The following ERBB4 variants were observed in gnomAD, a reference collection of about 807,000 sequenced individuals.
ERBB4 encodes the protein erb-b2 receptor tyrosine kinase 4, also known as receptor tyrosine-protein kinase erbB-4.
A neutral mutation model predicts 158.0 loss-of-function variants in ERBB4; 42 were observed. The ratio of observed to expected loss-of-function variants is 0.27; its 90% CI spans 0.21 to 0.34. ERBB4 has a LOEUF of 0.34. ERBB4 is among the 10% of genes least tolerant of loss of function. The pLI is 1.00. For missense variants in ERBB4, 1,333 were observed against 1,624.1 expected, an observed-to-expected ratio of 0.82 and a Z score of 3.08; for synonymous variants, 583 against 558.7, an observed-to-expected ratio of 1.04 and a Z score of -0.61.
intron 9 of ERBB4, among the ~76,000 whole-genome samples, chr2:211,711,027 TAA>T (rs34159396): frequency 2.1e-5 from 3 of 139,904 alleles, no homozygotes; most frequent in African/African-American, 2.6e-5. Context: ...AAAAGGCAAG[TAA>T]AAAAAAAAAA....
At chr2:212,354,818 T>C (rs2089404644) in intron 1 of ERBB4, among the ~76,000 whole-genome samples, 1 of 152,138 alleles carries the variant, frequency 6.6e-6, no homozygotes, top group Admixed American at 6.6e-5. Context: ...TTTTACCAAC[T>C]TAAGTTGGGT....
chr2:211,750,817 A>G, intron 4 of ERBB4, 113 bp from the exon 5 acceptor site: 1 of 913,688 alleles, frequency 1.1e-6, no homozygotes. Flanking sequence ...TTTTTATGTC[A>G]TACTAGAGCT....
intron 2 of ERBB4, among the ~76,000 whole-genome samples, chr2:212,058,477 G>A (rs1387840062): frequency 1.3e-5 from 2 of 151,982 alleles, no homozygotes; most frequent in African/African-American, 4.8e-5. Flanking sequence ...GCCTGATAGA[G>A]AAACAACAAA....
In ERBB4 at chr2:211,541,427, A is replaced by G. The variant is rs189123735; in HGVS notation, c.2487+20476T>C. On this transcript the variant is annotated intron_variant, in intron 20 of 27. Coordinates refer to ENST00000342788, the MANE Select transcript of ERBB4 (RefSeq NM_005235.3). The stretch of plus-strand genomic sequence containing the variant: ...TACTATTTGTTTCACTATGACCTAC[A>G]GTTAACTTTGCTTCATTTCACTGGT... 5.4e-3 allele frequency among the ~76,000 whole-genome samples: 821 copies of G among 152,098 alleles called. 8 individuals carry two copies. The highest frequency in any genetic ancestry group is 0.019 in the African/African-American group (776 of 41,544).
chr2:212,502,676 C>T (rs1357253842), intron 1 of ERBB4, among the ~76,000 whole-genome samples: 1 of 152,154 alleles, frequency 6.6e-6, no homozygotes, highest in East Asian at 1.9e-4. Flanking sequence ...GAACTAAATT[C>T]TAGCCAAGAG....
intron 20 of ERBB4, among the ~76,000 whole-genome samples, chr2:211,502,999 G>A (rs2065654334): frequency 6.6e-6 from 1 of 152,092 alleles, no homozygotes; most frequent in South Asian, 2.1e-4. Flanking sequence ...TGAAGAGGGA[G>A]GAAGCATGGC....
At chr2:211,557,072 T>C (rs1001481986) in intron 20 of ERBB4, among the ~76,000 whole-genome samples, 2 of 152,082 alleles carry the variant, frequency 1.3e-5, no homozygotes, top group Non-Finnish European at 2.9e-5. Context: ...ATGGAGAAGA[T>C]TGAAACTGGA....
At chr2:212,251,793 T>C (rs895772185) in intron 1 of ERBB4, among the ~76,000 whole-genome samples, 2 of 151,740 alleles carry the variant, frequency 1.3e-5, no homozygotes, top group African/African-American at 4.9e-5. Context: ...CATGTAGTTA[T>C]TTGAAGATCC....
At chr2:212,367,029 G>A (rs138767678) in intron 1 of ERBB4, among the ~76,000 whole-genome samples, 1 of 151,974 alleles carries the variant, frequency 6.6e-6, no homozygotes, top group East Asian at 1.9e-4. Flanking sequence ...GAAGAGTGAG[G>A]CCTTAATCTG....
At chr2:211,543,839 A>C (rs1029089869) in intron 20 of ERBB4, among the ~76,000 whole-genome samples, 5 of 151,526 alleles carry the variant, frequency 3.3e-5, no homozygotes, top group Non-Finnish European at 5.9e-5. Context: ...TGGGAAATGC[A>C]AGTTAAAAAA....
At chr2:212,035,392 T>G (rs1045124164) in intron 2 of ERBB4, among the ~76,000 whole-genome samples, 39 of 152,222 alleles carry the variant, frequency 2.6e-4, no homozygotes, top group Admixed American at 2.2e-3. Flanking sequence ...TAGTTCTCTC[T>G]GAGGTGTCTC....
At chr2:212,042,286 A>G (rs1392600626) in intron 2 of ERBB4, among the ~76,000 whole-genome samples, 1 of 152,086 alleles carries the variant, frequency 6.6e-6, no homozygotes, top group Non-Finnish European at 1.5e-5. Context: ...TCCTTTCTAC[A>G]TGCTGATCTT....
chr2:211,941,130 T>C (rs1204744337), intron 3 of ERBB4, among the ~76,000 whole-genome samples: 1 of 152,132 alleles, frequency 6.6e-6, no homozygotes, highest in Non-Finnish European at 1.5e-5. Flanking sequence ...GATCTAAAAA[T>C]GGACTCTTCC....
At chr2:211,905,569 G>A (rs73073360) in intron 3 of ERBB4, among the ~76,000 whole-genome samples, 21,013 of 146,398 alleles carry the variant, frequency 0.14, 1,826 homozygotes, top group African/African-American at 0.24. Context: ...TTAATGTTTG[G>A]AAGTGTTTTA....
intron 1 of ERBB4, among the ~76,000 whole-genome samples, chr2:212,495,086 AGAC>A (rs199786380): frequency 0.013 from 1,997 of 152,306 alleles, 24 homozygotes; most frequent in South Asian, 0.04. Flanking sequence ...ACTGCACTTC[AGAC>A]GACCTCAACT....
intron 4 of ERBB4, among the ~76,000 whole-genome samples, chr2:211,786,719 T>C (rs948226908): frequency 1.3e-5 from 2 of 152,214 alleles, no homozygotes; most frequent in African/African-American, 4.8e-5. Context: ...GTCAGTCTGA[T>C]AAGCTGAGAG....
chr2:211,649,655 C>T (rs1479160672), intron 16 of ERBB4, among the ~76,000 whole-genome samples: 3 of 151,802 alleles, frequency 2.0e-5, no homozygotes, highest in Non-Finnish European at 2.9e-5. Flanking sequence ...TTTATTTTTA[C>T]TCTACTAAAA....
intron 2 of ERBB4, among the ~76,000 whole-genome samples, chr2:211,953,197 T>C (rs1193099212): frequency 6.6e-6 from 1 of 151,938 alleles, no homozygotes; most frequent in Non-Finnish European, 1.5e-5. Context: ...AAAACAATTA[T>C]GAATTATGTC....
At position 212,528,750 on chromosome 2, in the gene ERBB4, T is replaced by A. The variant is rs191383333; in HGVS notation, c.82+9699A>T. Among the ~76,000 whole-genome samples the A allele has an allele frequency of 1.4e-3, 219 of 152,268 alleles. 1 individual carries two copies. The highest frequency in any genetic ancestry group is 4.8e-3 in the African/African-American group (198 of 41,566). On this transcript the variant is annotated intron_variant, in intron 1 of 27. Coordinates refer to ENST00000342788, the MANE Select transcript of ERBB4 (RefSeq NM_005235.3). ...TTTTCCCTGGTAGACTCTGACTCTATAAATAATATAATTATTTCACCATTT... is the reference window on the plus strand; with the variant it reads ...TTTTCCCTGGTAGACTCTGACTCTAAAAATAATATAATTATTTCACCATTT...
Sources: gnomAD v4.1 joint callset for allele counts (sites outside exome capture counted in the v4.1 genomes callset) on GRCh38, gnomAD v4.1.1 for gene constraint, MANE v1.5 for transcripts, NCBI Gene and HGNC (gene_info 2026-07-23, HGNC 2026-07-21) for gene names.